Variants in ACTL6A observed in about 807,000 individuals in gnomAD.
ACTL6A encodes the protein actin like 6A.
In ACTL6A, 5 loss-of-function variants were observed where a neutral mutation model predicts 59.2. The observed-to-expected ratio is 0.08, with a 90% CI of 0.04 to 0.18. The LOEUF (loss-of-function observed/expected upper bound fraction) is 0.18, where lower values mean the gene tolerates loss of function less well. Among genes scored for constraint, ACTL6A ranks in the 10% least tolerant of loss-of-function variants. The pLI is 1.00. For synonymous variants in ACTL6A, 154 were observed against 171.8 expected, an observed-to-expected ratio of 0.90 and a Z score of 0.81; for missense variants, 285 against 526.9, an observed-to-expected ratio of 0.54 and a Z score of 4.49.
In ACTL6A at chr3:179,586,493, T is replaced by C; in HGVS notation, c.1123-53T>C. The C allele has an allele frequency of 9.9e-6, 13 of 1,312,392 alleles. No homozygotes were observed. The South Asian group carries it at 1.7e-4, about 17-fold the overall frequency. The allele number at this position is 1,312,392 out of a possible 1,614,324, so 81.3% of individuals were successfully genotyped here. ...AAAAAAAAAAAAAAAAAAAGAATTTTCTAAGTTGAGTCACAAGATTTGATT... is the reference window on the plus strand; with the variant it reads ...AAAAAAAAAAAAAAAAAAAGAATTTCCTAAGTTGAGTCACAAGATTTGATT... On this transcript the variant is annotated intron_variant, in intron 12 of 13. Coordinates refer to ENST00000429709, the MANE Select transcript of ACTL6A (RefSeq NM_004301.5).
At chr3:179,576,389 T>A in intron 6 of ACTL6A, 78 bp downstream of exon 6, 2 of 1,111,216 alleles carry the variant, frequency 1.8e-6, no homozygotes, top group Non-Finnish European at 1.3e-6. Flanking sequence ...AAATGATGAG[T>A]AGCACTATTA....
chr3:179,583,973 T>C (rs1718408663), intron 12 of ACTL6A, among the ~76,000 whole-genome samples: 2 of 152,202 alleles, frequency 1.3e-5, no homozygotes, highest in South Asian at 4.1e-4. Context: ...TAATTCAAAG[T>C]AGTTGGCTTC....
intron 3 of ACTL6A, among the ~76,000 whole-genome samples, chr3:179,571,048 TGGG>T (rs1177940919): frequency 6.6e-6 from 1 of 152,150 alleles, no homozygotes; most frequent in Non-Finnish European, 1.5e-5. Flanking sequence ...GATTTTTGGT[TGGG>T]GTAACTCTGA....
At chr3:179,576,937 C>G (rs767178500) in intron 8 of ACTL6A, 24 bp downstream of exon 8, 1 of 1,581,924 alleles carries the variant, frequency 6.3e-7, no homozygotes, top group Non-Finnish European at 8.6e-7. Context: ...ATTCTCTTTA[C>G]AAAAATGTTA....
Position 179,570,708 on chromosome 3 carries a change from A to G in ACTL6A, c.277+467A>G, listed in dbSNP as rs4855090. ...AAGAAACTTATGTGCTTGAAAATGT[A>G]ATACAATTAAGTATGGTTGCAGCAT... On this transcript the variant is annotated intron_variant, in intron 3 of 13. Coordinates refer to ENST00000429709, the MANE Select transcript of ACTL6A (RefSeq NM_004301.5). The surrounding 1 kb of genome is among the most constrained non-coding windows in gnomAD (Gnocchi z 4.3). Among the ~76,000 whole-genome samples, 13,684 of 152,238 alleles carry G rather than the reference A, an allele frequency of 0.09. 660 individuals are homozygous for G. The highest frequency in any genetic ancestry group is 0.17 in the South Asian group (811 of 4,816).
chr3:179,570,721 A>G lies in ACTL6A; in HGVS notation c.277+480A>G, dbSNP rs1717978390. ...GCTTGAAAATGTAATACAATTAAGT[A>G]TGGTTGCAGCATTGGGCTTATTAGG... On this transcript the variant is annotated intron_variant, in intron 3 of 13. Coordinates refer to ENST00000429709, the MANE Select transcript of ACTL6A (RefSeq NM_004301.5). The surrounding 1 kb of genome is among the most constrained non-coding windows in gnomAD (Gnocchi z 4.3). Among the ~76,000 whole-genome samples, 1 of 152,224 alleles carries G rather than the reference A, an allele frequency of 6.6e-6. No individual in the cohort carries two copies. Among genetic ancestry groups the G allele is most frequent in the African/African-American group, 2.4e-5 (1 of 41,468 alleles).
intron 12 of ACTL6A, among the ~76,000 whole-genome samples, chr3:179,585,050 T>C (rs781355212): frequency 6.6e-6 from 1 of 152,226 alleles, no homozygotes; most frequent in Non-Finnish European, 1.5e-5. Context: ...ATCTAGAGCA[T>C]ACCTGAATTA....
At position 179,570,083 on chromosome 3, in the gene ACTL6A, C is replaced by T; in HGVS notation, c.119C>T (p.Ala40Val). 1 of 1,613,676 alleles carries T rather than the reference C, an allele frequency of 6.2e-7. No individual in the cohort carries two copies. Among genetic ancestry groups the T allele is most frequent in the Non-Finnish European group, 8.5e-7 (1 of 1,179,876 alleles). The change falls in exon 3 of 14, where the codon GCT becomes GTT. Residue 40 changes from alanine to valine, a missense_variant. Coordinates refer to ENST00000429709, the MANE Select transcript of ACTL6A (RefSeq NM_004301.5). The surrounding 1 kb of genome is among the most constrained non-coding windows in gnomAD (Gnocchi z 4.3). ...CTCTTACAGGTGGATTTTCCTACAG[C>T]TATTGGTATGGTGGTAGAAAGAGAT... ...EDCPKVDFPT[A>V]IGMVVERDDG...
intron 8 of ACTL6A, among the ~76,000 whole-genome samples, 186 bp from the exon 9 acceptor site, chr3:179,580,454 A>C (rs1452301675): frequency 6.6e-6 from 1 of 152,186 alleles, no homozygotes; most frequent in African/African-American, 2.4e-5. Context: ...TTCTAATGCA[A>C]ATGATTAGAA....
chr3:179,583,172 A>C, intron 11 of ACTL6A, 181 bp from the exon 12 acceptor site: 2 of 431,330 alleles, frequency 4.6e-6, no homozygotes, highest in Non-Finnish European at 4.1e-6. Flanking sequence ...TCCTTAGATG[A>C]GTTGAATGTA....
intron 11 of ACTL6A, among the ~76,000 whole-genome samples, chr3:179,582,307 G>C (rs548211963): frequency 1.3e-5 from 2 of 152,276 alleles, no homozygotes; most frequent in South Asian, 4.1e-4. Context: ...TCAAAATTTA[G>C]ATGATTTAGA....
At chr3:179,573,188 A>G (rs1466890870) in intron 3 of ACTL6A, 181 bp from the exon 4 acceptor site, 15 of 457,936 alleles carry the variant, frequency 3.3e-5, no homozygotes, top group East Asian at 2.5e-4. Flanking sequence ...AAGAAGTTCT[A>G]TATATCTAGA....
Position 179,570,892 on chromosome 3 carries a change from C to G in ACTL6A, c.277+651C>G, listed in dbSNP as rs778267323. On this transcript the variant is annotated intron_variant, in intron 3 of 13. Coordinates refer to ENST00000429709, the MANE Select transcript of ACTL6A (RefSeq NM_004301.5). This position sits in a 1 kb window ranked among gnomAD's most constrained non-coding sequence, Gnocchi z 4.3. ...AAGGAATTTAAACAGATGTGATGGTCAGAGTCCAGATGAGAAATGAAAAAG... is the reference window on the plus strand; with the variant it reads ...AAGGAATTTAAACAGATGTGATGGTGAGAGTCCAGATGAGAAATGAAAAAG... Among the ~76,000 whole-genome samples the G allele has an allele frequency of 6.6e-5, 10 of 152,098 alleles. No individual in the cohort carries two copies. Among genetic ancestry groups the G allele is most frequent in the Non-Finnish European group, 1.3e-4 (9 of 68,016 alleles).
chr3:179,574,336 A>G, intron 4 of ACTL6A, 34 bp from the exon 5 acceptor site: 1 of 1,372,046 alleles, frequency 7.3e-7, no homozygotes. Context: ...TTTAATTCTT[A>G]ATAACTTGCA....
At chr3:179,563,188 C>T (rs1021401790) in intron 1 of ACTL6A, 71 bp downstream of exon 1, 38 of 1,543,284 alleles carry the variant, frequency 2.5e-5, no homozygotes, top group Non-Finnish European at 2.8e-5. Flanking sequence ...CGCTCCCAGC[C>T]CTCCCCTCCC....
At position 179,583,391 on chromosome 3, in the gene ACTL6A, A is replaced by T. The variant is rs151280782; in HGVS notation, c.1065A>T (p.Thr355=). 138 of 1,613,440 alleles carry T rather than the reference A, an allele frequency of 8.6e-5. 2 individuals carry two copies. The highest frequency in any genetic ancestry group is 7.6e-4 in the African/African-American group (57 of 74,888). The change falls in exon 12 of 14, where the codon ACA becomes ACT. Residue 355 remains threonine, a synonymous_variant. Coordinates refer to ENST00000429709, the MANE Select transcript of ACTL6A (RefSeq NM_004301.5). ...GTGTAATAGTGGCAGGAGGAAACAC[A>T]CTAATACAGAGTTTTACTGACAGGT... is the stretch of plus-strand genomic sequence containing the variant. The part of the protein sequence containing the change: ...YGSVIVAGGN[T]LIQSFTDRLN...
chr3:179,586,841 A>G (rs1349941705), intron 13 of ACTL6A: 4 of 514,592 alleles, frequency 7.8e-6, no homozygotes, highest in Admixed American at 4.2e-5. Context: ...CCTAATTTCA[A>G]TGTCCCCTCT....
intron 5 of ACTL6A, among the ~76,000 whole-genome samples, chr3:179,575,967 T>A (rs576042463): frequency 6.6e-6 from 1 of 152,364 alleles, no homozygotes; most frequent in Non-Finnish European, 1.5e-5. Flanking sequence ...TAATAGTAGC[T>A]GTTCCTAGGA....
chr3:179,583,462 G>A lies in ACTL6A; in HGVS notation c.1122+14G>A, dbSNP rs772547277. ...AAAACTCCTCCAGTAAGTTCTGTTT[G>A]TTCTTTAATGGTATTCTTCAGTCAT... On this transcript the variant is annotated intron_variant, in intron 12 of 13. Coordinates refer to ENST00000429709, the MANE Select transcript of ACTL6A (RefSeq NM_004301.5). 1.0e-5 allele frequency: 16 copies of A among 1,583,642 alleles called. No homozygotes were observed. The highest frequency in any genetic ancestry group is 1.3e-5 in the African/African-American group (1 of 74,162).
Sources: allele counts gnomAD v4.1 joint callset (sites outside exome capture counted in the v4.1 genomes callset), GRCh38; gene constraint gnomAD v4.1.1; non-coding constraint Gnocchi (gnomAD v3.1); transcripts MANE v1.5; gene names NCBI Gene and HGNC (gene_info 2026-07-23, HGNC 2026-07-21).